Variants in PCDHA11 observed in about 807,000 individuals in gnomAD.
PCDHA11 encodes protocadherin alpha-11.
Under a neutral mutation model 70.3 loss-of-function variants are expected in PCDHA11, and 61 were observed. The ratio of observed to expected loss-of-function variants is 0.87; its 90% CI spans 0.71 to 1.07. The LOEUF is 1.07. Ranked by LOEUF, PCDHA11 falls within the 50% of genes least tolerant of loss-of-function variation. PCDHA11 has a pLI of 0.00. For missense variants in PCDHA11, 1,324 were observed against 1,237.5 expected, an observed-to-expected ratio of 1.07 and a Z score of -1.05; for synonymous variants, 633 against 555.1, an observed-to-expected ratio of 1.14 and a Z score of -1.97.
Position 140,929,023 on chromosome 5 carries a change from C to G in PCDHA11, c.2392-49926C>G, listed in dbSNP as rs2085741813. On this transcript the variant is annotated intron_variant, in intron 1 of 3. Transcript: ENST00000398640. ...CGTGTGTACCAAGTTGCACCAGAGCCCAGGCTGTTGCGCTCAGAGCTGCTG... is the reference window on the plus strand; with the variant it reads ...CGTGTGTACCAAGTTGCACCAGAGCGCAGGCTGTTGCGCTCAGAGCTGCTG... 2.5e-6 allele frequency: 4 copies of G among 1,614,056 alleles called. No homozygotes were observed. The Admixed American group carries it at 6.7e-5, about 27-fold the overall frequency.
intron 1 of PCDHA11, among the ~76,000 whole-genome samples, chr5:140,950,301 T>G (rs1467140584): frequency 6.6e-6 from 1 of 152,076 alleles, no homozygotes; most frequent in Non-Finnish European, 1.5e-5. Context: ...AAACTTTACT[T>G]AGCAGTTTTT....
At chr5:140,883,924 G>T (rs1554180605) in intron 1 of PCDHA11, 14 of 1,613,506 alleles carry the variant, frequency 8.7e-6, no homozygotes, top group Non-Finnish European at 1.1e-5. Context: ...TGACGCTGCA[G>T]GTGTTCGTGC....
intron 1 of PCDHA11, among the ~76,000 whole-genome samples, chr5:140,919,139 C>T (rs1294020429): frequency 6.6e-6 from 1 of 152,120 alleles, no homozygotes; most frequent in Non-Finnish European, 1.5e-5. Context: ...TTTTGGGGCT[C>T]TATTATTAGA....
rs191954731 is a variant in PCDHA11 at position 140,913,936 on chromosome 5, A to G, written c.2391+42442A>G. Among the ~76,000 whole-genome samples the G allele has an allele frequency of 7.5e-3, 1,149 of 152,268 alleles. 4 individuals are homozygous for G. Among genetic ancestry groups the G allele is most frequent in the Admixed American group, 0.013 (194 of 15,286 alleles). ...AATTTTACTTCATTGTGGTCAGAGA[A>G]GAATCTTGATATGATATCATTTTTA... On this transcript the variant is annotated intron_variant, in intron 1 of 3. Transcript: ENST00000398640.
At chr5:140,985,729 T>C (rs1314785007) in intron 3 of PCDHA11, among the ~76,000 whole-genome samples, 2 of 149,858 alleles carry the variant, frequency 1.3e-5, no homozygotes, top group Non-Finnish European at 3.0e-5. Flanking sequence ...TTTCCTTCAC[T>C]GATGAATTCC....
chr5:140,942,435 A>G (rs1258382123), intron 1 of PCDHA11, among the ~76,000 whole-genome samples: 2 of 152,114 alleles, frequency 1.3e-5, no homozygotes, highest in East Asian at 3.9e-4. Flanking sequence ...ATCTAACAAT[A>G]AACAAGTAAA....
At chr5:140,960,680 G>A (rs192174088) in intron 1 of PCDHA11, among the ~76,000 whole-genome samples, 2 of 152,162 alleles carry the variant, frequency 1.3e-5, no homozygotes, top group African/African-American at 4.8e-5. Context: ...AAACCTACTT[G>A]GGAATGAGGG....
chr5:140,883,075 T>A (rs969917261), intron 1 of PCDHA11: 8 of 1,614,134 alleles, frequency 5.0e-6, no homozygotes, highest in Non-Finnish European at 6.8e-6. Flanking sequence ...CCACAGATCC[T>A]GATGATGGTA....
At chr5:140,923,971 A>G (rs557891257) in intron 1 of PCDHA11, among the ~76,000 whole-genome samples, 2 of 152,330 alleles carry the variant, frequency 1.3e-5, no homozygotes, top group East Asian at 3.9e-4. Flanking sequence ...ATACCCACAC[A>G]TACTATCCCT....
At position 140,923,111 on chromosome 5, in the gene PCDHA11, G is replaced by T. The variant is rs192696214; in HGVS notation, c.2391+51617G>T. Among the ~76,000 whole-genome samples, 53 of 152,266 alleles carry T rather than the reference G, an allele frequency of 3.5e-4. No individual in the cohort carries two copies. In the East Asian group the frequency reaches 8.9e-3, roughly 25 times the overall value. ...TTGACCAATGGGAGTATGATTTTAA[G>T]TTTTTAGGGTCACACTTTGAAGGTG... On this transcript the variant is annotated intron_variant, in intron 1 of 3. Coordinates refer to ENST00000398640, the MANE Select transcript of PCDHA11 (RefSeq NM_018902.5).
rs183542590 is a variant in PCDHA11 at position 140,969,555 on chromosome 5, C to T, written c.2392-9394C>T. On this transcript the variant is annotated intron_variant, in intron 1 of 3. Coordinates refer to ENST00000398640, the MANE Select transcript of PCDHA11 (RefSeq NM_018902.5). ...CATTTTCAGAGGCATGAAGCCTTGT[C>T]CATAAAATTGTTTGAGAAGTGAGGA... The T allele has an allele frequency of 1.2e-5, 15 of 1,213,382 alleles. 1 individual carries two copies. The highest frequency in any genetic ancestry group is 1.7e-5 in the South Asian group (1 of 59,354). The allele number at this position is 1,213,382 out of a possible 1,614,324, so 75.2% of individuals were successfully genotyped here. A position where few individuals can be genotyped will look rare whatever the true frequency, so the allele number is the denominator to read the frequency against.
At chr5:140,929,051 G>A (rs1398009156) in intron 1 of PCDHA11, 2 of 1,614,170 alleles carry the variant, frequency 1.2e-6, no homozygotes, top group South Asian at 1.1e-5. Flanking sequence ...AGCTGCTGTC[G>A]CTCTACAGAG....
intron 1 of PCDHA11, among the ~76,000 whole-genome samples, chr5:140,931,210 G>A (rs1326851548): frequency 6.6e-6 from 1 of 152,064 alleles, no homozygotes; most frequent in African/African-American, 2.4e-5. Flanking sequence ...TAGTATTTCA[G>A]GTATCAGAGC....
At chr5:140,993,466 A>T (rs1374096077) in intron 3 of PCDHA11, among the ~76,000 whole-genome samples, 2 of 45,548 alleles carry the variant, frequency 4.4e-5, no homozygotes, top group African/African-American at 1.2e-4. Flanking sequence ...TCTTTCTCAC[A>T]CACACACACA....
intron 1 of PCDHA11, among the ~76,000 whole-genome samples, chr5:140,873,502 T>C (rs1554166743): frequency 3.3e-5 from 5 of 152,346 alleles, no homozygotes; most frequent in Non-Finnish European, 7.3e-5. Context: ...AGTTGTGTCT[T>C]TTATACTTAA....
intron 2 of PCDHA11, among the ~76,000 whole-genome samples, chr5:140,982,032 C>G (rs1554243678): frequency 1.3e-5 from 2 of 152,162 alleles, no homozygotes; most frequent in Non-Finnish European, 2.9e-5. Flanking sequence ...GAACAATACT[C>G]CAATTATCAG....
At chr5:140,944,608 G>T (rs2093673405) in intron 1 of PCDHA11, among the ~76,000 whole-genome samples, 1 of 152,176 alleles carries the variant, frequency 6.6e-6, no homozygotes, top group Non-Finnish European at 1.5e-5. Context: ...AGAGTAGTGT[G>T]CTGTAGAAGT....
At chr5:140,967,552 T>C (rs782453868) in intron 1 of PCDHA11, 2 of 1,613,908 alleles carry the variant, frequency 1.2e-6, no homozygotes, top group Non-Finnish European at 1.7e-6. Context: ...AGTCCACTTA[T>C]CGCGTCCAGC....
In PCDHA11 at chr5:140,999,778, T is replaced by G. The variant is rs1252583642; in HGVS notation, c.2540-9849T>G. On this transcript the variant is annotated intron_variant, in intron 3 of 3. Coordinates refer to ENST00000398640, the MANE Select transcript of PCDHA11 (RefSeq NM_018902.5). ...ACATGATGTCTTTATACTCTTAACC[T>G]AGAAATGGCAGAGTTATTTTGGGCA... 3.0e-4 allele frequency among the ~76,000 whole-genome samples: 46 copies of G among 152,162 alleles called. 1 individual carries two copies.
Sources: gnomAD v4.1 joint callset for allele counts (sites outside exome capture counted in the v4.1 genomes callset) on GRCh38, gnomAD v4.1.1 for gene constraint, MANE v1.5 for transcripts, NCBI Gene and HGNC (gene_info 2026-07-23, HGNC 2026-07-21) for gene names.